Variants in ZC3H12D observed in about 807,000 individuals in gnomAD.
The protein encoded by ZC3H12D is zinc finger CCCH-type containing 12D, also known as probable ribonuclease ZC3H12D.
ZC3H12D carries 11 observed loss-of-function variants against 24.2 expected under a neutral mutation model. That is an observed-to-expected ratio of 0.46 (90% CI 0.29 to 0.75). ZC3H12D has a LOEUF of 0.75. Among genes scored for constraint, ZC3H12D ranks in the 30% least tolerant of loss-of-function variants. The probability of loss-of-function intolerance (pLI) is 0.11; values close to 1 mark genes in which losing one functional copy is unlikely to be tolerated. For missense variants in ZC3H12D, 740 were observed against 767.7 expected (o/e 0.96, Z 0.43); for synonymous variants, 333 against 341.8 (o/e 0.97, Z 0.28).
chr6:149,448,667 C>T lies in ZC3H12D; in HGVS notation c.*2016G>A, dbSNP rs778055290. On this transcript the variant is annotated 3_prime_UTR_variant, in exon 6 of 6. Transcript: ENST00000409806. ...TGTTATGGTAAAATTGTGGGTGCAC[C>T]GTCCTCTTTGGAAAAAGGGGGTAAG... 6.6e-6 allele frequency: 1 copy of T among 152,202 alleles called. No individual in the cohort carries two copies. The highest frequency in any genetic ancestry group is 6.5e-5 in the Admixed American group (1 of 15,282). 9.4% of individuals were successfully genotyped at this position (152,202 alleles called of 1,614,324 possible).
At chr6:149,462,090 T>C in intron 2 of ZC3H12D, 120 bp from the exon 3 acceptor site, 1 of 1,288,684 alleles carries the variant, frequency 7.8e-7, no homozygotes. Flanking sequence ...ATCTATGTTT[T>C]AGGCCAGGAG....
chr6:149,474,418 G>C lies in ZC3H12D; in HGVS notation c.126C>G (p.Arg42=). The change falls in exon 2 of 6, where the codon CGC becomes CGG. Residue 42 remains arginine (R), a synonymous_variant. Transcript: ENST00000409806. ...CCAGGGCACCCGGGCGGCTGCCCGT[G>C]CGGATAAGCTCCTGCAGCACGTCGT... The part of the protein sequence containing the change: ...LVNDVLQELI[R]TGSRPGALEH... 1 of 1,608,442 alleles carries C rather than the reference G, an allele frequency of 6.2e-7. No homozygotes were observed. The highest frequency in any genetic ancestry group is 8.5e-7 in the Non-Finnish European group (1 of 1,175,866).
At chr6:149,472,083 C>T (rs1776252802) in intron 2 of ZC3H12D, among the ~76,000 whole-genome samples, 1 of 152,194 alleles carries the variant, frequency 6.6e-6, no homozygotes, top group Non-Finnish European at 1.5e-5. Context: ...AGGGTCAGCA[C>T]CCACCTGAAC....
In ZC3H12D at chr6:149,473,276, T is replaced by C. The variant is rs538157916; in HGVS notation, c.305+963A>G. ...GAGCCCAAATCCCCAGGGGAAACTC[T>C]CGGAGGCTCTGTTGACACATTCGGT... is the stretch of plus-strand genomic sequence containing the variant. On this transcript the variant is annotated intron_variant, in intron 2 of 5. Coordinates refer to ENST00000409806, the MANE Select transcript of ZC3H12D (RefSeq NM_207360.3). Among the ~76,000 whole-genome samples the C allele has an allele frequency of 3.3e-5, 5 of 152,248 alleles. No homozygotes were observed. The East Asian group carries it at 9.6e-4, about 29-fold the overall frequency.
chr6:149,459,964 G>C (rs980307219), intron 3 of ZC3H12D, among the ~76,000 whole-genome samples: 2 of 152,226 alleles, frequency 1.3e-5, no homozygotes, highest in African/African-American at 4.8e-5. Flanking sequence ...CCACGTGTGT[G>C]ACAGTGGTCC....
chr6:149,476,118 AAC>A (rs1776335814), intron 1 of ZC3H12D, among the ~76,000 whole-genome samples: 1 of 152,222 alleles, frequency 6.6e-6, no homozygotes, highest in Admixed American at 6.5e-5. Context: ...CTAATAGATA[AAC>A]ACAAATATTG....
chr6:149,455,395 T>C (rs1775963166), intron 4 of ZC3H12D, among the ~76,000 whole-genome samples: 1 of 152,152 alleles, frequency 6.6e-6, no homozygotes. Flanking sequence ...GAGGAGTTTG[T>C]CTAAAACCAC....
chr6:149,476,608 G>GT (rs1776344960), intron 1 of ZC3H12D, among the ~76,000 whole-genome samples: 1 of 152,084 alleles, frequency 6.6e-6, no homozygotes, highest in Non-Finnish European at 1.5e-5. Context: ...AGGAATTTGA[G>GT]ACCAACCACA....
chr6:149,457,039 C>T, intron 3 of ZC3H12D, 139 bp from the exon 4 acceptor site: 2 of 802,100 alleles, frequency 2.5e-6, no homozygotes, highest in Admixed American at 2.8e-5. Context: ...CCAGTTTTTG[C>T]CGCCATAGCG....
chr6:149,464,831 G>T (rs1776125512), intron 2 of ZC3H12D, among the ~76,000 whole-genome samples: 1 of 152,190 alleles, frequency 6.6e-6, no homozygotes, highest in South Asian at 2.1e-4. Context: ...AGAAAGACAG[G>T]AGTGGGGCTG....
intron 2 of ZC3H12D, among the ~76,000 whole-genome samples, chr6:149,469,891 T>C (rs2115009790): frequency 6.6e-6 from 1 of 152,258 alleles, no homozygotes; most frequent in East Asian, 1.9e-4. Context: ...GGTCAGGGTC[T>C]CCTACCCTGT....
intron 2 of ZC3H12D, among the ~76,000 whole-genome samples, chr6:149,462,287 T>A (rs1287229483): frequency 1.3e-5 from 2 of 151,854 alleles, no homozygotes; most frequent in Non-Finnish European, 2.9e-5. Flanking sequence ...GGCAGGAAAA[T>A]CACTTGAACC....
At chr6:149,475,671 C>A (rs945378393) in intron 1 of ZC3H12D, among the ~76,000 whole-genome samples, 1 of 151,030 alleles carries the variant, frequency 6.6e-6, no homozygotes. Flanking sequence ...GCAGACATTG[C>A]GCCATTGCAC....
intron 1 of ZC3H12D, among the ~76,000 whole-genome samples, chr6:149,484,156 C>T (rs577068591): frequency 5.9e-5 from 9 of 152,294 alleles, no homozygotes; most frequent in Non-Finnish European, 7.3e-5. Flanking sequence ...GGGCACCCCA[C>T]GATTGGCATT....
At chr6:149,481,916 G>A (rs894010748) in intron 1 of ZC3H12D, among the ~76,000 whole-genome samples, 2 of 152,250 alleles carry the variant, frequency 1.3e-5, no homozygotes, top group South Asian at 4.1e-4. Flanking sequence ...CCAAGGAACG[G>A]CTCTGAGGAA....
intron 1 of ZC3H12D, among the ~76,000 whole-genome samples, chr6:149,481,376 A>T (rs1583194627): frequency 7.0e-6 from 1 of 142,650 alleles, no homozygotes; most frequent in Non-Finnish European, 1.5e-5. Flanking sequence ...GTGGCTTAGC[A>T]TTTTTTTTTT....
At chr6:149,461,633 C>T in intron 3 of ZC3H12D, 198 bp downstream of exon 3, 1 of 409,844 alleles carries the variant, frequency 2.4e-6, no homozygotes, top group Non-Finnish European at 4.2e-6. Flanking sequence ...TGTTGAATAC[C>T]AGGTGTTACG....
chr6:149,462,764 C>T (rs1187684684), intron 2 of ZC3H12D, among the ~76,000 whole-genome samples: 1 of 152,182 alleles, frequency 6.6e-6, no homozygotes, highest in Admixed American at 6.5e-5. Context: ...GTTTTTCGCC[C>T]GTGCTGGATG....
chr6:149,483,230 A>T (rs2115016423), intron 1 of ZC3H12D: 1 of 152,318 alleles, frequency 6.6e-6, no homozygotes, highest in East Asian at 1.9e-4. Flanking sequence ...AGTCACAGAG[A>T]GGCAAAGACG....
Sources: allele counts gnomAD v4.1 joint callset (sites outside exome capture counted in the v4.1 genomes callset), GRCh38; gene constraint gnomAD v4.1.1; transcripts MANE v1.5; gene names NCBI Gene and HGNC (gene_info 2026-07-23, HGNC 2026-07-21).